The following PTPRD variants were observed in gnomAD, a reference collection of about 807,000 sequenced individuals.
The protein encoded by PTPRD is receptor-type tyrosine-protein phosphatase delta.
PTPRD carries 34 observed loss-of-function variants against 214.5 expected under a neutral mutation model. The observed-to-expected ratio is 0.16, with a 90% CI of 0.12 to 0.21. The LOEUF (loss-of-function observed/expected upper bound fraction) is 0.21. PTPRD is among the 10% of genes least tolerant of loss of function. The probability of loss-of-function intolerance (pLI) is 1.00; values close to 1 mark genes in which losing one functional copy is unlikely to be tolerated. For missense variants in PTPRD, 2,545 were observed against 2,398.7 expected (o/e 1.06, Z -1.27); for synonymous variants, 1,128 against 845.7 (o/e 1.33, Z -5.79).
Position 8,836,387 on chromosome 9 carries a change from T to G in PTPRD, c.-103-102441A>C, listed in dbSNP as rs570151589. On this transcript the variant is annotated intron_variant, in intron 11 of 45. Transcript: ENST00000381196. ...CTGGTTAATCACTGAAAAACAATAC[T>G]CTTCTTGGATTGTTTTCTCCTGCCT... Among the ~76,000 whole-genome samples the G allele has an allele frequency of 8.4e-4, 128 of 152,118 alleles. 1 individual carries two copies. Among genetic ancestry groups the G allele is most frequent in the African/African-American group, 2.9e-3 (119 of 41,512 alleles).
chr9:9,369,841 T>C (rs2058950132), intron 9 of PTPRD, among the ~76,000 whole-genome samples: 1 of 152,202 alleles, frequency 6.6e-6, no homozygotes, highest in African/African-American at 2.4e-5. Flanking sequence ...CTAGCCAGTT[T>C]TCCCAGAACC....
intron 9 of PTPRD, among the ~76,000 whole-genome samples, chr9:9,379,395 C>G (rs1376199170): frequency 6.6e-6 from 1 of 151,698 alleles, no homozygotes; most frequent in Non-Finnish European, 1.5e-5. Flanking sequence ...AATTGATCTA[C>G]TTTCCTATTC....
chr9:9,930,644 G>C (rs113746253), intron 5 of PTPRD, among the ~76,000 whole-genome samples: 19 of 152,150 alleles, frequency 1.2e-4, no homozygotes, highest in African/African-American at 4.1e-4. Flanking sequence ...TAAAGTTTAA[G>C]TATATGATGA....
chr9:9,174,048 A>C (rs138550070), intron 10 of PTPRD, among the ~76,000 whole-genome samples: 1 of 152,228 alleles, frequency 6.6e-6, no homozygotes. Context: ...GGAGTTAAGT[A>C]TCTTTAAAAA....
rs536845059 is a variant in PTPRD at position 9,382,800 on chromosome 9, T to A, written c.-203+14649A>T. Among the ~76,000 whole-genome samples, 151 of 152,210 alleles carry A rather than the reference T, an allele frequency of 9.9e-4. 3 individuals are homozygous for A. Among genetic ancestry groups the A allele is most frequent in the African/African-American group, 3.6e-3 (149 of 41,556 alleles). ...TCATATGATTTGGTAATCCTACTTC[T>A]GGATATACATTCAAAGAATTGAAAT... is the stretch of plus-strand genomic sequence containing the variant. On this transcript the variant is annotated intron_variant, in intron 9 of 45. Coordinates refer to ENST00000381196, the MANE Select transcript of PTPRD (RefSeq NM_002839.4).
At chr9:9,262,309 A>T (rs1191000236) in intron 9 of PTPRD, among the ~76,000 whole-genome samples, 1 of 150,952 alleles carries the variant, frequency 6.6e-6, no homozygotes, top group Non-Finnish European at 1.5e-5. Context: ...TTTAAAATAT[A>T]TTTTATTTAA....
At chr9:8,738,811 G>C (rs2091160365) in intron 11 of PTPRD, among the ~76,000 whole-genome samples, 1 of 151,648 alleles carries the variant, frequency 6.6e-6, no homozygotes, top group Non-Finnish European at 1.5e-5. Context: ...CTTAAAACTA[G>C]GTATCATTGT....
At chr9:8,972,219 G>A (rs115561857) in intron 11 of PTPRD, among the ~76,000 whole-genome samples, 1,731 of 151,872 alleles carry the variant, frequency 0.011, 42 homozygotes, top group African/African-American at 0.04. Flanking sequence ...AGACTAATAC[G>A]GGACTGGTGT....
At chr9:9,456,463 C>G (rs533790886) in intron 8 of PTPRD, among the ~76,000 whole-genome samples, 2 of 151,780 alleles carry the variant, frequency 1.3e-5, no homozygotes, top group Non-Finnish European at 2.9e-5. Flanking sequence ...TTATTTTCTC[C>G]GCTTTTATTC....
rs148786123 is a variant in PTPRD at position 10,588,891 on chromosome 9, A to G, written c.-600+23507T>C. Among the ~76,000 whole-genome samples, 5 of 152,170 alleles carry G rather than the reference A, an allele frequency of 3.3e-5. No homozygotes were observed. The East Asian group carries it at 9.7e-4, about 29-fold the overall frequency. ...TCTCCTTAGCAGATAACAGTATCTA[A>G]TATATTTTTTCTTTTAACATTTTAC... is the stretch of plus-strand genomic sequence containing the variant. On this transcript the variant is annotated intron_variant, in intron 2 of 45. Coordinates refer to ENST00000381196, the MANE Select transcript of PTPRD (RefSeq NM_002839.4).
At position 8,541,478 on chromosome 9, in the gene PTPRD, G is replaced by C. The variant is rs542364659; in HGVS notation, c.353-12699C>G. On this transcript the variant is annotated intron_variant, in intron 14 of 45. Transcript: ENST00000381196. The stretch of plus-strand genomic sequence containing the variant: ...ACTCCTGAGTTCAAGTGACACTCCT[G>C]CCTCCACTCTGGAGCAGCTAGGACC... Among the ~76,000 whole-genome samples the C allele has an allele frequency of 4.6e-5, 7 of 152,200 alleles. No homozygotes were observed. The South Asian group carries it at 1.2e-3, about 27-fold the overall frequency.
At chr9:10,543,973 C>T (rs2135400569) in intron 2 of PTPRD, among the ~76,000 whole-genome samples, 1 of 152,202 alleles carries the variant, frequency 6.6e-6, no homozygotes, top group South Asian at 2.1e-4. Context: ...TAGAAAAGTT[C>T]CACCCAATGA....
intron 3 of PTPRD, among the ~76,000 whole-genome samples, chr9:10,328,861 AT>A (rs1200230667): frequency 1.3e-5 from 2 of 151,742 alleles, no homozygotes; most frequent in Admixed American, 1.3e-4. Flanking sequence ...ACAAAATGTC[AT>A]TTCGATGGAA....
chr9:10,538,848 A>T (rs952125403), intron 2 of PTPRD, among the ~76,000 whole-genome samples: 5 of 152,234 alleles, frequency 3.3e-5, no homozygotes, highest in Admixed American at 3.3e-4. Flanking sequence ...TTGAATCTTG[A>T]TATATAGTAT....
intron 3 of PTPRD, among the ~76,000 whole-genome samples, chr9:10,225,087 G>A (rs922870786): frequency 5.9e-5 from 9 of 151,822 alleles, no homozygotes; most frequent in African/African-American, 2.2e-4. Flanking sequence ...ATTGTTCAGA[G>A]GTCAGCTGTG....
At chr9:8,509,675 T>G (rs2137704720) in intron 21 of PTPRD, among the ~76,000 whole-genome samples, 1 of 152,368 alleles carries the variant, frequency 6.6e-6, no homozygotes, top group African/African-American at 2.4e-5. Flanking sequence ...TGTTTACTTT[T>G]TGCTTTTAAT....
chr9:9,536,192 C>A (rs1327833918), intron 8 of PTPRD, among the ~76,000 whole-genome samples: 1 of 151,934 alleles, frequency 6.6e-6, no homozygotes, highest in Non-Finnish European at 1.5e-5. Flanking sequence ...TATTTTATAA[C>A]TACATATTTT....
intron 5 of PTPRD, among the ~76,000 whole-genome samples, chr9:9,854,065 C>G (rs1323791): frequency 0.14 from 20,886 of 152,166 alleles, 1,829 homozygotes; most frequent in Non-Finnish European, 0.2. Flanking sequence ...CTCTATTCAT[C>G]ACACCATGCA....
chr9:8,421,269 C>T (rs1377624841), intron 35 of PTPRD, among the ~76,000 whole-genome samples: 1 of 152,082 alleles, frequency 6.6e-6, no homozygotes, highest in Admixed American at 6.6e-5. Context: ...CCCTCTTTCT[C>T]TCATTCCTTC....
Sources: gnomAD v4.1 joint callset for allele counts (sites outside exome capture counted in the v4.1 genomes callset) on GRCh38, gnomAD v4.1.1 for gene constraint, MANE v1.5 for transcripts, NCBI Gene and HGNC (gene_info 2026-07-23, HGNC 2026-07-21) for gene names.